The following PPARGC1A variants were observed in gnomAD, a reference collection of about 807,000 sequenced individuals.
PPARGC1A encodes the protein PPARG coactivator 1 alpha, also known as peroxisome proliferator-activated receptor gamma coactivator 1-alpha.
Under a neutral mutation model 88.7 loss-of-function variants are expected in PPARGC1A, and 25 were observed. That is an observed-to-expected ratio of 0.28 (90% CI 0.21 to 0.39). The LOEUF is 0.39. PPARGC1A is among the 10% of genes least tolerant of loss of function. The pLI, the probability that PPARGC1A is intolerant of heterozygous loss-of-function variation, is 1.00. For missense variants in PPARGC1A, 880 were observed against 968.7 expected, an observed-to-expected ratio of 0.91 and a Z score of 1.22; for synonymous variants, 363 against 355.6, an observed-to-expected ratio of 1.02 and a Z score of -0.24.
the PPARGC1A span, among the ~76,000 whole-genome samples, chr4:24,122,798 G>C: frequency 1.3e-5 from 2 of 152,150 alleles, no homozygotes; most frequent in Admixed American, 6.5e-5. Context: ...AAATGATTAA[G>C]AGGAATTAAC....
At chr4:24,130,022 C>T in the PPARGC1A span, among the ~76,000 whole-genome samples, 96 of 152,154 alleles carry the variant, frequency 6.3e-4, no homozygotes, top group East Asian at 3.3e-3. Flanking sequence ...CGGGGAGGGA[C>T]AGCATTTGGA....
the PPARGC1A span, among the ~76,000 whole-genome samples, chr4:23,983,256 C>T: frequency 0.83 from 126,153 of 152,154 alleles, 52,412 homozygotes; most frequent in Non-Finnish European, 0.84. Context: ...GAAATAAATA[C>T]TCTATAACTT....
the PPARGC1A span, among the ~76,000 whole-genome samples, chr4:24,283,588 G>T: frequency 8.5e-4 from 129 of 152,274 alleles, no homozygotes; most frequent in African/African-American, 3.0e-3. Context: ...TAAATAGAAA[G>T]AATGATAACA....
At chr4:24,430,336 G>A in the PPARGC1A span, among the ~76,000 whole-genome samples, 1 of 138,750 alleles carries the variant, frequency 7.2e-6, no homozygotes, top group South Asian at 2.2e-4. Flanking sequence ...TCAGCTCACT[G>A]CAACCTCCGC....
the PPARGC1A span, among the ~76,000 whole-genome samples, chr4:24,356,123 G>T: frequency 6.6e-6 from 1 of 151,714 alleles, no homozygotes; most frequent in African/African-American, 2.4e-5. Context: ...CTTGAACCCA[G>T]GAAGCAGAGG....
the PPARGC1A span, among the ~76,000 whole-genome samples, chr4:24,437,501 G>A: frequency 6.6e-6 from 1 of 152,298 alleles, no homozygotes; most frequent in African/African-American, 2.4e-5. Flanking sequence ...AGGTAGAGAG[G>A]TGCAGGAGAT....
chr4:24,253,063 G>A, the PPARGC1A span, among the ~76,000 whole-genome samples: 46 of 152,236 alleles, frequency 3.0e-4, no homozygotes, highest in South Asian at 9.3e-3. Flanking sequence ...TAATGGTCAA[G>A]GGAATTTATC....
chr4:24,159,206 C>A, the PPARGC1A span, among the ~76,000 whole-genome samples: 8 of 109,864 alleles, frequency 7.3e-5, no homozygotes, highest in African/African-American at 3.1e-4. Flanking sequence ...GGAAATTAAC[C>A]TTTTTTTTTT....
At chr4:23,827,215 T>C (rs1309331049) in intron 5 of PPARGC1A, among the ~76,000 whole-genome samples, 1 of 152,138 alleles carries the variant, frequency 6.6e-6, no homozygotes, top group African/African-American at 2.4e-5. Context: ...GAAAACCTAA[T>C]GGAAAGCCAT....
the PPARGC1A span, among the ~76,000 whole-genome samples, chr4:24,356,366 C>T: frequency 2.6e-5 from 4 of 152,134 alleles, no homozygotes; most frequent in Admixed American, 6.5e-5. Context: ...GATTATCCCT[C>T]GCTACTAAAA....
chr4:23,902,456 T>C (rs942458137), upstream of PPARGC1A, among the ~76,000 whole-genome samples: 4 of 152,190 alleles, frequency 2.6e-5, no homozygotes, highest in African/African-American at 9.7e-5. Context: ...CTGTATTGAA[T>C]GCTGTGCAAT....
the PPARGC1A span, among the ~76,000 whole-genome samples, chr4:24,297,314 C>T: frequency 1.3e-5 from 2 of 152,026 alleles, no homozygotes; most frequent in African/African-American, 4.8e-5. Context: ...AACAAAAATC[C>T]CCAGGATTCC....
At chr4:24,179,081 A>T in the PPARGC1A span, among the ~76,000 whole-genome samples, 1 of 152,128 alleles carries the variant, frequency 6.6e-6, no homozygotes, top group Non-Finnish European at 1.5e-5. Context: ...GACTCTTCAC[A>T]TCTCTTTATG....
At chr4:23,890,515 G>T (rs188580091), upstream of PPARGC1A, among the ~76,000 whole-genome samples, 910 of 150,088 alleles carry the variant, frequency 6.1e-3, 10 homozygotes, top group Non-Finnish European at 8.3e-3. Flanking sequence ...CTCAAGCTCA[G>T]TTTGGGACTA....
At chr4:24,054,325 A>C in the PPARGC1A span, among the ~76,000 whole-genome samples, 5 of 151,618 alleles carry the variant, frequency 3.3e-5, no homozygotes, top group African/African-American at 9.7e-5. Context: ...AAAAAAAAAA[A>C]ACACTATATT....
the PPARGC1A span, among the ~76,000 whole-genome samples, chr4:23,968,176 T>A: frequency 6.6e-6 from 1 of 152,194 alleles, no homozygotes; most frequent in Admixed American, 6.5e-5. Flanking sequence ...AGCAAGTGAC[T>A]TAAACTTTCT....
chr4:23,996,950 G>T, the PPARGC1A span, among the ~76,000 whole-genome samples: 1 of 152,154 alleles, frequency 6.6e-6, no homozygotes, highest in South Asian at 2.1e-4. Context: ...ATGAGTATTT[G>T]GTTTCCTGGA....
chr4:24,439,663 C>G, the PPARGC1A span, among the ~76,000 whole-genome samples: 1 of 152,178 alleles, frequency 6.6e-6, no homozygotes, highest in Non-Finnish European at 1.5e-5. Flanking sequence ...AATTCCAAGA[C>G]AGCATTAGAA....
At chr4:24,024,575 C>G in the PPARGC1A span, among the ~76,000 whole-genome samples, 6,980 of 152,210 alleles carry the variant, frequency 0.046, 423 homozygotes, top group African/African-American at 0.14. Context: ...TCCCTAAATT[C>G]TGATGGGCAG....
Sources: allele counts gnomAD v4.1 joint callset (sites outside exome capture counted in the v4.1 genomes callset), GRCh38; gene constraint gnomAD v4.1.1; transcripts MANE v1.5; gene names NCBI Gene and HGNC (gene_info 2026-07-23, HGNC 2026-07-21).